TNFRSF21: variants seen among roughly 807,000 people sequenced by gnomAD.
The protein encoded by TNFRSF21 is TNF receptor superfamily member 21, also known as tumor necrosis factor receptor superfamily member 21.
A neutral mutation model predicts 45.6 loss-of-function variants in TNFRSF21; 19 were observed. The observed-to-expected ratio is 0.42, with a 90% CI of 0.29 to 0.61. The LOEUF (loss-of-function observed/expected upper bound fraction) is 0.61. Among genes scored for constraint, TNFRSF21 ranks in the 20% least tolerant of loss-of-function variants. TNFRSF21 has a pLI of 0.23. For missense variants in TNFRSF21, 737 were observed against 851.5 expected, an observed-to-expected ratio of 0.87 and a Z score of 1.67; for synonymous variants, 314 against 335.5, an observed-to-expected ratio of 0.94 and a Z score of 0.70.
At chr6:47,296,767 C>CA (rs1490348631) in intron 1 of TNFRSF21, among the ~76,000 whole-genome samples, 1 of 152,204 alleles carries the variant, frequency 6.6e-6, no homozygotes, top group African/African-American at 2.4e-5. Context: ...CCCCTTCCCA[C>CA]ACACCTTGCC....
intron 3 of TNFRSF21, among the ~76,000 whole-genome samples, chr6:47,259,818 G>A (rs1331647964): frequency 6.6e-6 from 1 of 152,172 alleles, no homozygotes; most frequent in Non-Finnish European, 1.5e-5. Context: ...CTGGCCCCTG[G>A]AGAAAAGCAT....
At chr6:47,234,570 A>C (rs1395313373) in intron 5 of TNFRSF21, 100 bp downstream of exon 5, 5 of 959,612 alleles carry the variant, frequency 5.2e-6, no homozygotes, top group Non-Finnish European at 4.7e-6. Context: ...CAGATGACTC[A>C]ACTCTCAGCT....
chr6:47,294,856 A>G lies in TNFRSF21; in HGVS notation c.97-8261T>C, dbSNP rs557468412. On this transcript the variant is annotated intron_variant, in intron 1 of 5. Coordinates refer to ENST00000296861, the MANE Select transcript of TNFRSF21 (RefSeq NM_014452.5). ...TCCCCTCTTATTTCTTTAAAAAAAGATGATACTAACTTGGTGATTAGAATT... is the reference window on the plus strand; with the variant it reads ...TCCCCTCTTATTTCTTTAAAAAAAGGTGATACTAACTTGGTGATTAGAATT... Among the ~76,000 whole-genome samples, 10 of 152,326 alleles carry G rather than the reference A, an allele frequency of 6.6e-5. No homozygotes were observed. In the South Asian group the frequency reaches 2.1e-3, roughly 32 times the overall value.
chr6:47,290,564 T>G (rs575627383), intron 1 of TNFRSF21, among the ~76,000 whole-genome samples: 1 of 152,328 alleles, frequency 6.6e-6, no homozygotes, highest in South Asian at 2.1e-4. Context: ...GTAAGTGGAT[T>G]TTAGAGCTCT....
intron 3 of TNFRSF21, among the ~76,000 whole-genome samples, chr6:47,276,104 C>G (rs565066687): frequency 6.6e-6 from 1 of 152,286 alleles, no homozygotes; most frequent in Admixed American, 6.5e-5. Flanking sequence ...GATCATCCAG[C>G]CTTTTAGTAG....
Position 47,232,603 on chromosome 6 carries a change from C to T in TNFRSF21, c.*162G>A, listed in dbSNP as rs1764600515. ...GAGAGAGAAGGAGAAAGAACTCAAGCACTGGCCATATTCTCTGTTAAACAC... is the reference window on the plus strand; with the variant it reads ...GAGAGAGAAGGAGAAAGAACTCAAGTACTGGCCATATTCTCTGTTAAACAC... On this transcript the variant is annotated 3_prime_UTR_variant, in exon 6 of 6. Transcript: ENST00000296861. The T allele has an allele frequency of 5.1e-6, 3 of 590,552 alleles. No individual in the cohort carries two copies. Among genetic ancestry groups the T allele is most frequent in the Non-Finnish European group, 5.8e-6 (2 of 345,500 alleles). 36.6% of individuals were successfully genotyped at this position (590,552 alleles called of 1,614,324 possible).
At chr6:47,289,700 G>A (rs1440759798) in intron 1 of TNFRSF21, among the ~76,000 whole-genome samples, 1 of 152,096 alleles carries the variant, frequency 6.6e-6, no homozygotes, top group Non-Finnish European at 1.5e-5. Flanking sequence ...AGTTACATTT[G>A]TCAAGAATAC....
At chr6:47,253,151 T>C (rs1561940767) in intron 4 of TNFRSF21, 105 bp downstream of exon 4, 5 of 1,325,278 alleles carry the variant, frequency 3.8e-6, no homozygotes, top group Non-Finnish European at 5.2e-6. Flanking sequence ...TGTGTGTGCC[T>C]ATCCACCGAA....
chr6:47,259,002 G>C (rs1765030675), intron 3 of TNFRSF21, among the ~76,000 whole-genome samples: 1 of 152,190 alleles, frequency 6.6e-6, no homozygotes, highest in Admixed American at 6.5e-5. Flanking sequence ...ACCAGCCCCT[G>C]CAATTACAGC....
At chr6:47,235,313 G>T (rs1215140254) in intron 4 of TNFRSF21, among the ~76,000 whole-genome samples, 1 of 152,192 alleles carries the variant, frequency 6.6e-6, no homozygotes, top group Non-Finnish European at 1.5e-5. Context: ...CGACTACTGT[G>T]AGAGAGGGCC....
In TNFRSF21 at chr6:47,232,656, CACAA is replaced by C. The variant is rs1231995069; in HGVS notation, c.*105_*108del. 135 of 863,062 alleles carry C rather than the reference CACAA, an allele frequency of 1.6e-4. No individual in the cohort carries two copies. The highest frequency in any genetic ancestry group is 2.0e-4 in the Non-Finnish European group (112 of 554,544). 53.5% of individuals were successfully genotyped at this position (863,062 alleles called of 1,614,324 possible). On this transcript the variant is annotated 3_prime_UTR_variant, in exon 6 of 6. Transcript: ENST00000296861. ...ACACACACACACACACACACACACA[CACAA>C]ACACACACACACACCCCAAACAACA...
intron 3 of TNFRSF21, among the ~76,000 whole-genome samples, chr6:47,260,439 A>G (rs1212681669): frequency 1.3e-5 from 2 of 152,230 alleles, no homozygotes; most frequent in Admixed American, 6.5e-5. Flanking sequence ...TATGGAAGAA[A>G]TGGCAATTTC....
At chr6:47,298,954 C>T (rs1361611079) in intron 1 of TNFRSF21, among the ~76,000 whole-genome samples, 2 of 152,166 alleles carry the variant, frequency 1.3e-5, no homozygotes, top group Non-Finnish European at 2.9e-5. Context: ...GACCATAAAA[C>T]GCTTTACTCA....
At chr6:47,254,587 G>C (rs953581241) in intron 3 of TNFRSF21, among the ~76,000 whole-genome samples, 4 of 152,164 alleles carry the variant, frequency 2.6e-5, no homozygotes. Context: ...GAACTGTCTA[G>C]GTAAAAGGTT....
chr6:47,264,845 A>C (rs984624762), intron 3 of TNFRSF21, among the ~76,000 whole-genome samples: 1 of 152,206 alleles, frequency 6.6e-6, no homozygotes, highest in African/African-American at 2.4e-5. Flanking sequence ...CTGCTGGAAA[A>C]TGACTGCGGC....
intron 4 of TNFRSF21, among the ~76,000 whole-genome samples, chr6:47,242,357 A>C (rs1764757006): frequency 6.6e-6 from 1 of 152,208 alleles, no homozygotes; most frequent in Non-Finnish European, 1.5e-5. Context: ...TCTCGCTTAA[A>C]TACCCCAAAC....
intron 1 of TNFRSF21, 45 bp downstream of exon 1, chr6:47,309,371 T>C (rs1268552938): frequency 1.3e-6 from 2 of 1,511,272 alleles, no homozygotes; most frequent in Non-Finnish European, 1.8e-6. Context: ...AGCGGTTCCT[T>C]CTGCTCCGGC....
intron 3 of TNFRSF21, among the ~76,000 whole-genome samples, chr6:47,266,381 T>C (rs16875836): frequency 0.1 from 15,845 of 152,168 alleles, 890 homozygotes; most frequent in East Asian, 0.15. Flanking sequence ...AGTAAAACCA[T>C]TTTTGCTGGC....
intron 1 of TNFRSF21, among the ~76,000 whole-genome samples, chr6:47,295,109 C>T (rs1343435043): frequency 2.0e-5 from 3 of 152,150 alleles, no homozygotes; most frequent in African/African-American, 7.2e-5. Flanking sequence ...GAGGAGGTAG[C>T]TCTAAATAAC....
Sources: gnomAD v4.1 joint callset for allele counts (sites outside exome capture counted in the v4.1 genomes callset) on GRCh38, gnomAD v4.1.1 for gene constraint, MANE v1.5 for transcripts, NCBI Gene and HGNC (gene_info 2026-07-23, HGNC 2026-07-21) for gene names.